Variants in SNX18 observed in about 807,000 individuals in gnomAD.
SNX18 encodes sorting nexin 18, also known as sorting nexin-18.
A neutral mutation model predicts 48.7 loss-of-function variants in SNX18; 35 were observed. The ratio of observed to expected loss-of-function variants is 0.72; its 90% CI spans 0.55 to 0.95. The LOEUF (loss-of-function observed/expected upper bound fraction) is 0.95, where lower values mean the gene tolerates loss of function less well. Ranked by LOEUF, SNX18 falls within the 40% of genes least tolerant of loss-of-function variation. The probability of loss-of-function intolerance (pLI) is 0.00; values close to 1 mark genes in which losing one functional copy is unlikely to be tolerated. For synonymous variants in SNX18, 492 were observed against 384.7 expected, an observed-to-expected ratio of 1.28 and a Z score of -3.26; for missense variants, 824 against 871.0, an observed-to-expected ratio of 0.95 and a Z score of 0.68.
chr5:54,600,579 A>G, the SNX18 span, among the ~76,000 whole-genome samples: 7 of 152,244 alleles, frequency 4.6e-5, no homozygotes, highest in Non-Finnish European at 8.8e-5. Flanking sequence ...GAATCAACCC[A>G]AATGCCCATC....
chr5:54,551,385 TC>T (rs1297230418), downstream of SNX18, among the ~76,000 whole-genome samples: 2 of 152,174 alleles, frequency 1.3e-5, no homozygotes, highest in East Asian at 3.8e-4. Context: ...CTTCTCCTCC[TC>T]CCTTCCCTGT....
the SNX18 span, among the ~76,000 whole-genome samples, chr5:54,637,889 C>T: frequency 6.6e-6 from 1 of 152,148 alleles, no homozygotes; most frequent in Non-Finnish European, 1.5e-5. Flanking sequence ...CTTGTTCCAA[C>T]CAGCTCTAGG....
At chr5:54,530,537 G>T (rs1762234140) in intron 1 of SNX18, among the ~76,000 whole-genome samples, 1 of 152,072 alleles carries the variant, frequency 6.6e-6, no homozygotes, top group African/African-American at 2.4e-5. Context: ...GCCACTAAAG[G>T]TTTCAAACCA....
At chr5:54,628,787 C>A in the SNX18 span, among the ~76,000 whole-genome samples, 1 of 152,228 alleles carries the variant, frequency 6.6e-6, no homozygotes, top group Non-Finnish European at 1.5e-5. Flanking sequence ...AACCAGGCCG[C>A]CTCATGGCTC....
the SNX18 span, among the ~76,000 whole-genome samples, chr5:54,597,906 T>C: frequency 2.1e-5 from 3 of 146,180 alleles, no homozygotes; most frequent in African/African-American, 7.7e-5. Flanking sequence ...AACTGAAGGA[T>C]ATAGAGACAC....
chr5:54,519,783 G>A lies in SNX18; in HGVS notation c.1621+210G>A. ...CCTCGAGTATCTTGCATTAGGGAATGAGTACTCTTTCTCGAAGGTTCAAAG... is the reference window on the plus strand; with the variant it reads ...CCTCGAGTATCTTGCATTAGGGAATAAGTACTCTTTCTCGAAGGTTCAAAG... On this transcript the variant is annotated intron_variant, in intron 1 of 1. Coordinates refer to ENST00000381410, the MANE Select transcript of SNX18 (RefSeq NM_001102575.2). 1 of 1,613,988 alleles carries A rather than the reference G, an allele frequency of 6.2e-7. No individual in the cohort carries two copies. The highest frequency in any genetic ancestry group is 8.5e-7 in the Non-Finnish European group (1 of 1,179,910).
At chr5:54,559,891 G>T in the SNX18 span, among the ~76,000 whole-genome samples, 1 of 152,000 alleles carries the variant, frequency 6.6e-6, no homozygotes, top group African/African-American at 2.4e-5. Flanking sequence ...TGAAAAAGTG[G>T]GCAAAGGACA....
At chr5:54,598,054 G>C in the SNX18 span, among the ~76,000 whole-genome samples, 1 of 152,036 alleles carries the variant, frequency 6.6e-6, no homozygotes, top group South Asian at 2.1e-4. Context: ...AATGATAGAG[G>C]TATCAGCACG....
intron 1 of SNX18, among the ~76,000 whole-genome samples, chr5:54,541,027 T>TTC (rs972187040): frequency 3.9e-5 from 6 of 152,126 alleles, no homozygotes; most frequent in Admixed American, 6.5e-5. Flanking sequence ...TTTCTTTTTT[T>TTC]TCTCTCTCTC....
chr5:54,568,799 C>T, the SNX18 span, among the ~76,000 whole-genome samples: 1 of 149,632 alleles, frequency 6.7e-6, no homozygotes, highest in African/African-American at 2.5e-5. Flanking sequence ...TTAGTTCTTG[C>T]AACTGGAAGC....
At chr5:54,588,637 T>C in the SNX18 span, among the ~76,000 whole-genome samples, 1 of 152,162 alleles carries the variant, frequency 6.6e-6, no homozygotes, top group Non-Finnish European at 1.5e-5. Flanking sequence ...CTTATTTCTG[T>C]TCTTAAATAA....
chr5:54,591,180 GT>G, the SNX18 span, among the ~76,000 whole-genome samples: 21 of 143,814 alleles, frequency 1.5e-4, no homozygotes, highest in Non-Finnish European at 3.1e-4. Context: ...TTTTTTTTTT[GT>G]TTTGTTTTGT....
the SNX18 span, among the ~76,000 whole-genome samples, chr5:54,640,596 A>T: frequency 2.0e-5 from 3 of 152,170 alleles, no homozygotes; most frequent in Admixed American, 2.0e-4. Context: ...ATCTGGATAG[A>T]TTAAAAAGGG....
At chr5:54,604,565 A>G in the SNX18 span, among the ~76,000 whole-genome samples, 4 of 152,258 alleles carry the variant, frequency 2.6e-5, no homozygotes, top group African/African-American at 9.6e-5. Flanking sequence ...TTGAATAGGC[A>G]AATTCATAGA....
the SNX18 span, among the ~76,000 whole-genome samples, chr5:54,551,736 G>A: frequency 6.6e-6 from 1 of 152,130 alleles, no homozygotes; most frequent in Admixed American, 6.5e-5. Context: ...GAGACTACCA[G>A]GCAAACATAC....
the SNX18 span, among the ~76,000 whole-genome samples, chr5:54,618,200 C>T: frequency 2.6e-5 from 4 of 152,120 alleles, no homozygotes; most frequent in Non-Finnish European, 5.9e-5. Context: ...TCTCGCCTGC[C>T]GCCATGTGAA....
chr5:54,538,947 C>T (rs1348758000), intron 1 of SNX18, among the ~76,000 whole-genome samples: 1 of 152,138 alleles, frequency 6.6e-6, no homozygotes, highest in Non-Finnish European at 1.5e-5. Context: ...CATAATCTTC[C>T]TTGATTACAC....
the SNX18 span, among the ~76,000 whole-genome samples, chr5:54,602,320 T>C: frequency 6.6e-6 from 1 of 152,126 alleles, no homozygotes. Context: ...GGGCAGGCAA[T>C]GGCCAGGAGG....
At chr5:54,588,973 C>T in the SNX18 span, among the ~76,000 whole-genome samples, 2 of 152,152 alleles carry the variant, frequency 1.3e-5, no homozygotes, top group African/African-American at 2.4e-5. Flanking sequence ...TATACTAGCT[C>T]TGGACTGTTT....
Sources: gnomAD v4.1 joint callset for allele counts (sites outside exome capture counted in the v4.1 genomes callset) on GRCh38, gnomAD v4.1.1 for gene constraint, MANE v1.5 for transcripts, NCBI Gene and HGNC (gene_info 2026-07-23, HGNC 2026-07-21) for gene names.